PAF1: variants seen among roughly 807,000 people sequenced by gnomAD.
PAF1 encodes the protein PAF1 component of Paf1/RNA polymerase II complex.
A neutral mutation model predicts 68.4 loss-of-function variants in PAF1; 31 were observed. The ratio of observed to expected loss-of-function variants is 0.45; its 90% CI spans 0.34 to 0.61. The LOEUF is 0.61. PAF1 is among the 20% of genes least tolerant of loss of function. The probability of loss-of-function intolerance (pLI) is 0.01; values close to 1 mark genes in which losing one functional copy is unlikely to be tolerated. For synonymous variants in PAF1, 256 were observed against 240.5 expected (o/e 1.06, Z -0.60); for missense variants, 435 against 692.9 (o/e 0.63, Z 4.18).
At position 39,385,823 on chromosome 19, in the gene PAF1, A is replaced by G; in HGVS notation, c.*168T>C. On this transcript the variant is annotated 3_prime_UTR_variant, in exon 14 of 14. Transcript: ENST00000221265. Reference sequence around the variant, plus strand: ...GTTGCGGGAGGTATGTGCTGGGCTGAATGACATCATAGGGGCTGGGAGGGG... The same window carrying G: ...GTTGCGGGAGGTATGTGCTGGGCTGGATGACATCATAGGGGCTGGGAGGGG... 9.7e-7 allele frequency: 1 copy of G among 1,032,828 alleles called. No homozygotes were observed. 64.0% of individuals were successfully genotyped at this position (1,032,828 alleles called of 1,614,324 possible).
Position 39,385,992 on chromosome 19 carries a change from C to CA in PAF1, c.1594dup (p.Ter532LeufsTer22), listed in dbSNP as rs754313771. ...AACCAGCCCTGAATGCCCTGGGACT[C>CA]AGTCACTGTCACTATCAGCTTCACT... On this transcript the variant is annotated frameshift_variant and stop_lost, in exon 14 of 14. Transcript: ENST00000221265. LOFTEE classifies it high-confidence loss of function. 1.9e-6 allele frequency: 3 copies of CA among 1,613,320 alleles called. No homozygotes were observed. The highest frequency in any genetic ancestry group is 2.7e-5 in the African/African-American group (2 of 74,928).
At chr19:39,390,383 G>A in intron 1 of PAF1, 94 bp from the exon 2 acceptor site, 1 of 1,194,500 alleles carries the variant, frequency 8.4e-7, no homozygotes, top group South Asian at 1.3e-5. Context: ...GGTAGGAGGG[G>A]TGACAAATGC....
At chr19:39,387,148 C>T (rs1307793168) in intron 11 of PAF1, 1 of 432,828 alleles carries the variant, frequency 2.3e-6, no homozygotes, top group South Asian at 2.0e-5. Context: ...ATAGTATAGC[C>T]TACTACATAC....
In PAF1 at chr19:39,389,388, G is replaced by A. The variant is rs781346805; in HGVS notation, c.360-5C>T. 1 of 1,613,976 alleles carries A rather than the reference G, an allele frequency of 6.2e-7. No homozygotes were observed. Among genetic ancestry groups the A allele is most frequent in the Admixed American group, 1.7e-5 (1 of 60,014 alleles). On this transcript the variant is annotated splice_polypyrimidine_tract_variant and splice_region_variant and intron_variant, in intron 5 of 13. Transcript: ENST00000221265. The surrounding 1 kb of genome is among the most constrained non-coding windows in gnomAD (Gnocchi z 5.3). Reference sequence around the variant, plus strand: ...ACCTTCGCGTGCTGCTGGGATCTGGGGTGGGAAATCAGGTATCTCAGGACC... The same window carrying A: ...ACCTTCGCGTGCTGCTGGGATCTGGAGTGGGAAATCAGGTATCTCAGGACC...
chr19:39,388,561 C>A lies in PAF1; in HGVS notation c.856G>T (p.Val286Leu). Residue 286 changes from valine (V) to leucine (L), a missense_variant and splice_region_variant, in exon 10 of 14, where the codon GTG becomes TTG. Transcript: ENST00000221265. ...EEEMDYAPDD[V>L]YDYKIAREYN... The stretch of plus-strand genomic sequence containing the variant: ...AAAACTTAACCGCAACCCACGCACA[C>A]ATCATCTGGTGCATAGTCCATCTCC... 6.2e-7 allele frequency: 1 copy of A among 1,612,912 alleles called. No homozygotes were observed. The highest frequency in any genetic ancestry group is 8.5e-7 in the Non-Finnish European group (1 of 1,178,856).
rs1163853383 is a variant in PAF1, at chr19:39,385,946, T to G, written c.*45A>C. The stretch of plus-strand genomic sequence containing the variant: ...ACAGACCACTAGAAAAGTGCTTTGC[T>G]GCTCACAATAATGGTGTCTGAACCA... On this transcript the variant is annotated 3_prime_UTR_variant, in exon 14 of 14. Transcript: ENST00000221265. The G allele has an allele frequency of 2.5e-6, 4 of 1,607,612 alleles. No homozygotes were observed. The highest frequency in any genetic ancestry group is 3.4e-6 in the Non-Finnish European group (4 of 1,178,384).
At position 39,386,660 on chromosome 19, in the gene PAF1, GC is replaced by G. The variant is rs1280406638; in HGVS notation, c.1092+33del. 13 of 1,592,446 alleles carry G rather than the reference GC, an allele frequency of 8.2e-6. No homozygotes were observed. Among genetic ancestry groups the G allele is most frequent in the Non-Finnish European group, 1.1e-5 (13 of 1,160,280 alleles). ...CTCACCTACAACCACCACCCTCCCT[GC>G]CATGGGTGCCCTGAGCCAGTGGTGC... On this transcript the variant is annotated intron_variant, in intron 12 of 13. Transcript: ENST00000221265. The surrounding 1 kb of genome is among the most constrained non-coding windows in gnomAD (Gnocchi z 6.1).
In PAF1 at chr19:39,386,440, C is replaced by T. The variant is rs2078250892; in HGVS notation, c.1184-37G>A. 3 of 1,613,974 alleles carry T rather than the reference C, an allele frequency of 1.9e-6. No individual in the cohort carries two copies. The highest frequency in any genetic ancestry group is 1.7e-5 in the Admixed American group (1 of 59,992). On this transcript the variant is annotated intron_variant, in intron 13 of 13. Coordinates refer to ENST00000221265, the MANE Select transcript of PAF1 (RefSeq NM_019088.4). This position sits in a 1 kb window ranked among gnomAD's most constrained non-coding sequence, Gnocchi z 6.1. ...TGGAGAGAGATGAAACCCACTTTTCCACCCTCCCAGGGCTCCCAGAGTCTG... is the reference window on the plus strand; with the variant it reads ...TGGAGAGAGATGAAACCCACTTTTCTACCCTCCCAGGGCTCCCAGAGTCTG...
Position 39,389,153 on chromosome 19 carries a change from G to A in PAF1, c.507C>T (p.Tyr169=). 1.2e-6 allele frequency: 2 copies of A among 1,614,100 alleles called. No homozygotes were observed. The highest frequency in any genetic ancestry group is 1.6e-4 in the Middle Eastern group (1 of 6,062). The change falls in exon 7 of 14, where the codon TAC becomes TAT. Residue 169 remains tyrosine (Y), a synonymous_variant. Coordinates refer to ENST00000221265, the MANE Select transcript of PAF1 (RefSeq NM_019088.4). This position sits in a 1 kb window ranked among gnomAD's most constrained non-coding sequence, Gnocchi z 5.3. ...CTGTGATCTGGCTATCCCTGTCTTT[G>A]TATATTTCTTCCTCGGTAAACTGCT... ...VKQQFTEEEI[Y]KDRDSQITAI...
chr19:39,390,859 C>T lies in PAF1; in HGVS notation c.6G>A (p.Ala2=). Residue 2 remains alanine (A), a synonymous_variant, in exon 1 of 14, where the codon GCG becomes GCA. Coordinates refer to ENST00000221265, the MANE Select transcript of PAF1 (RefSeq NM_019088.4). M[A]PTIQTQAQRE... is the part of the protein sequence containing the mutation. ...GCTGGGCCTGGGTCTGGATGGTGGG[C>T]GCCATAGCGACGAGGCGACGGCAGC... The T allele has an allele frequency of 6.3e-7, 1 of 1,583,530 alleles. No individual in the cohort carries two copies.
chr19:39,390,052 C>G lies in PAF1; in HGVS notation c.170+17G>C. 1 of 1,598,718 alleles carries G rather than the reference C, an allele frequency of 6.3e-7. No homozygotes were observed. On this transcript the variant is annotated intron_variant, in intron 3 of 13. Transcript: ENST00000221265. ...AGGAACTCATACCTGAGTAGTTTTC[C>G]CATTCCTTAGTCTCACCTGTTCTGG...
Position 39,389,789 on chromosome 19 carries a change from T to G in PAF1, c.171-28A>C, listed in dbSNP as rs774697610. ...GGGTGGGGAAACACCTATTGTGGTG[T>G]TTGGATTCCAGCTTCACCCCTCACA... On this transcript the variant is annotated intron_variant, in intron 3 of 13. Coordinates refer to ENST00000221265, the MANE Select transcript of PAF1 (RefSeq NM_019088.4). The surrounding 1 kb of genome is among the most constrained non-coding windows in gnomAD (Gnocchi z 5.3). 9 of 1,613,754 alleles carry G rather than the reference T, an allele frequency of 5.6e-6. No individual in the cohort carries two copies. In the South Asian group the frequency reaches 8.8e-5, roughly 16 times the overall value.
Position 39,386,310 on chromosome 19 carries a change from T to C in PAF1, c.1277A>G (p.Asp426Gly). The stretch of plus-strand genomic sequence containing the variant: ...ACTGCCACTCTTGTCACTGGCCTCG[T>C]CCCTGTCACCTTCCTCCCGTTCACT... ...SESEREEGDR[D>G]EASDKSGSGE... The change falls in exon 14 of 14, where the codon GAC becomes GGC. Residue 426 changes from aspartate to glycine, a missense_variant. Asp to Gly is a moderately conservative substitution (Grantham distance 94, BLOSUM62 -1). This residue lies in a region of PAF1 where 78 missense variants were observed against 80.6 expected (regional missense o/e 0.97). Coordinates refer to ENST00000221265, the MANE Select transcript of PAF1 (RefSeq NM_019088.4). This position sits in a 1 kb window ranked among gnomAD's most constrained non-coding sequence, Gnocchi z 6.1. The C allele has an allele frequency of 6.2e-7, 1 of 1,614,172 alleles. No individual in the cohort carries two copies. Among genetic ancestry groups the C allele is most frequent in the Non-Finnish European group, 8.5e-7 (1 of 1,180,024 alleles).
chr19:39,388,349 A>G lies in PAF1; in HGVS notation c.976T>C (p.Leu326=). 1.9e-6 allele frequency: 3 copies of G among 1,613,986 alleles called. No homozygotes were observed. Among genetic ancestry groups the G allele is most frequent in the Non-Finnish European group, 2.5e-6 (3 of 1,179,980 alleles). ...GAGTGTGCTGAGTACCTGGTTTCCA[A>G]CTCATTGTAGTAAACCCCGTCACCC... is the stretch of plus-strand genomic sequence containing the variant. ...REGDGVYYNE[L]ETRVRLSKRR... Residue 326 remains leucine (L), a synonymous_variant, in exon 11 of 14, where the codon TTG becomes CTG. Transcript: ENST00000221265.
rs1484338918 is a variant in PAF1, at chr19:39,386,912, T to TA, written c.987-114dup. The TA allele has an allele frequency of 4.2e-6, 3 of 717,158 alleles. No individual in the cohort carries two copies. The highest frequency in any genetic ancestry group is 2.6e-5 in the East Asian group (1 of 38,472). The allele number at this position is 717,158 out of a possible 1,614,324, so 44.4% of individuals were successfully genotyped here. ...TCTGACTTGGTTCCCCATCAATACTTAGAGTAAATGGGAATAAATACAGAT... is the reference window on the plus strand; with the variant it reads ...TCTGACTTGGTTCCCCATCAATACTTAAGAGTAAATGGGAATAAATACAGAT... On this transcript the variant is annotated intron_variant, in intron 11 of 13. Coordinates refer to ENST00000221265, the MANE Select transcript of PAF1 (RefSeq NM_019088.4). This position sits in a 1 kb window ranked among gnomAD's most constrained non-coding sequence, Gnocchi z 6.1.
Position 39,386,487 on chromosome 19 carries a change from C to T in PAF1, c.1178G>A (p.Gly393Asp). ...TCTGGCCTGTCCAGATTTACCTGAGCCCCCAGCTTCTTTCTCTTCTGTCTC... is the reference window on the plus strand; with the variant it reads ...TCTGGCCTGTCCAGATTTACCTGAGTCCCCAGCTTCTTTCTCTTCTGTCTC... ...EMETEEKEAG[G>D]SDEEQEKGSS... The change falls in exon 13 of 14, where the codon GGC becomes GAC. Residue 393 changes from glycine to aspartate, a missense_variant. Physicochemically the swap from Gly to Asp is moderately conservative, Grantham distance 94. Coordinates refer to ENST00000221265, the MANE Select transcript of PAF1 (RefSeq NM_019088.4). This position sits in a 1 kb window ranked among gnomAD's most constrained non-coding sequence, Gnocchi z 6.1. 6.2e-7 allele frequency: 1 copy of T among 1,614,150 alleles called. No individual in the cohort carries two copies. The highest frequency in any genetic ancestry group is 8.5e-7 in the Non-Finnish European group (1 of 1,180,026).
rs762385089 is a variant in PAF1, at chr19:39,388,371, A to G, written c.954T>C (p.Gly318=). Residue 318 remains glycine, a synonymous_variant, in exon 11 of 14, where the codon GGT becomes GGC. Coordinates refer to ENST00000221265, the MANE Select transcript of PAF1 (RefSeq NM_019088.4). The part of the protein sequence containing the change: ...EENYFFIFRE[G]DGVYYNELET... ...CCAACTCATTGTAGTAAACCCCGTC[A>G]CCCTCTCGGAAGATGAAGAAGTAGT... 11 of 1,613,918 alleles carry G rather than the reference A, an allele frequency of 6.8e-6. No homozygotes were observed. The highest frequency in any genetic ancestry group is 1.3e-5 in the African/African-American group (1 of 74,944).
chr19:39,387,009 G>C (rs2078266722), intron 11 of PAF1: 2 of 605,956 alleles, frequency 3.3e-6, no homozygotes, highest in Admixed American at 2.7e-5. Context: ...GCACCAGTTT[G>C]GTTGCCCTAC....
At chr19:39,388,316 T>A (rs2078298375) in intron 11 of PAF1, 23 bp downstream of exon 11, 1 of 1,613,622 alleles carries the variant, frequency 6.2e-7, no homozygotes, top group Admixed American at 1.7e-5. Flanking sequence ...TCCAGGCTAA[T>A]CAGATAGGAG....
Sources: allele counts gnomAD v4.1 joint callset, GRCh38; gene constraint gnomAD v4.1.1; regional missense constraint gnomAD v4.1.1; non-coding constraint Gnocchi (gnomAD v3.1); transcripts MANE v1.5; gene names NCBI Gene and HGNC (gene_info 2026-07-23, HGNC 2026-07-21).